Variants in CAPN13 observed in about 807,000 individuals in gnomAD.
CAPN13 encodes calpain 13.
A neutral mutation model predicts 98.4 loss-of-function variants in CAPN13; 90 were observed. That is an observed-to-expected ratio of 0.92 (90% CI 0.77 to 1.09). CAPN13 has a LOEUF of 1.09. Among genes scored for constraint, CAPN13 ranks in the 50% least tolerant of loss-of-function variants. The pLI, the probability that CAPN13 is intolerant of heterozygous loss-of-function variation, is 0.00. For missense variants in CAPN13, 887 were observed against 841.3 expected (o/e 1.05, Z -0.67); for synonymous variants, 330 against 305.5 (o/e 1.08, Z -0.84).
chr2:30,777,438 G>C, intron 3 of CAPN13, 129 bp downstream of exon 3: 1 of 759,978 alleles, frequency 1.3e-6, no homozygotes, highest in South Asian at 1.6e-5. Flanking sequence ...CTGGGCGTGA[G>C]CAGTTTGTCC....
chr2:30,772,319 C>T (rs1477409271), intron 4 of CAPN13, among the ~76,000 whole-genome samples: 2 of 152,164 alleles, frequency 1.3e-5, no homozygotes, highest in Non-Finnish European at 2.9e-5. Context: ...GTGTTTTAGG[C>T]AAAGCATCTG....
intron 16 of CAPN13, 30 bp downstream of exon 16, chr2:30,738,370 G>A (rs767503429): frequency 1.4e-5 from 22 of 1,611,486 alleles, no homozygotes; most frequent in Non-Finnish European, 1.9e-5. Flanking sequence ...GGAGGAGGAT[G>A]GGGCCAGCTT....
chr2:30,743,930 CT>C (rs1256508865), intron 12 of CAPN13, among the ~76,000 whole-genome samples: 1 of 152,146 alleles, frequency 6.6e-6, no homozygotes, highest in East Asian at 1.9e-4. Flanking sequence ...TCTGGGGCCC[CT>C]AAAGCCCCTT....
Position 30,743,765 on chromosome 2 carries a change from C to G in CAPN13, c.1249-186G>C. On this transcript the variant is annotated intron_variant, in intron 12 of 22. Coordinates refer to ENST00000295055, the MANE Select transcript of CAPN13 (RefSeq NM_144575.3). ...AGTAGTGTTTAGCCTGTCATTTCAT[C>G]TAGACCCTGGACACAATGGATGCAA... 5.7e-6 allele frequency: 4 copies of G among 700,280 alleles called. No individual in the cohort carries two copies. The Admixed American group carries it at 8.0e-5, about 14-fold the overall frequency. The allele number at this position is 700,280 out of a possible 1,614,324, so 43.4% of individuals were successfully genotyped here.
intron 8 of CAPN13, among the ~76,000 whole-genome samples, chr2:30,756,723 A>C (rs973368850): frequency 5.9e-5 from 9 of 152,190 alleles, no homozygotes; most frequent in African/African-American, 2.2e-4. Context: ...TTTGTATTGG[A>C]AAGGGCAAAG....
intron 1 of CAPN13, among the ~76,000 whole-genome samples, chr2:30,795,593 T>A (rs1434548389): frequency 7.2e-5 from 11 of 152,126 alleles, no homozygotes; most frequent in Non-Finnish European, 1.3e-4. Flanking sequence ...TGCCCATTTG[T>A]CTATTGGGTT....
At chr2:30,739,335 A>G (rs1234480657) in intron 15 of CAPN13, among the ~76,000 whole-genome samples, 2 of 152,084 alleles carry the variant, frequency 1.3e-5, no homozygotes, top group African/African-American at 4.8e-5. Flanking sequence ...CTGGTCATGT[A>G]GAATAGGGTG....
In CAPN13 at chr2:30,754,295, C is replaced by T. The variant is rs776837615; in HGVS notation, c.936G>A (p.Glu312=). The T allele has an allele frequency of 1.2e-6, 2 of 1,603,820 alleles. No homozygotes were observed. Among genetic ancestry groups the T allele is most frequent in the East Asian group, 2.3e-5 (1 of 44,338 alleles). ...SQLHKKREDG[E]FWMSCQDFQQ... The stretch of plus-strand genomic sequence containing the variant: ...TGTATAAGAAGGGTAAATACCAAAA[C>T]TCGCCATCTTCCCGTTTCTTATGTA... The change falls in exon 9 of 23, where the codon GAG becomes GAA. Residue 312 remains glutamate, a synonymous_variant. Coordinates refer to ENST00000295055, the MANE Select transcript of CAPN13 (RefSeq NM_144575.3).
At chr2:30,799,881 A>C (rs191630487) in intron 1 of CAPN13, among the ~76,000 whole-genome samples, 3 of 151,898 alleles carry the variant, frequency 2.0e-5, no homozygotes, top group Non-Finnish European at 4.4e-5. Flanking sequence ...AGACCATCCT[A>C]GCTAACACGG....
At chr2:30,789,248 A>T (rs1674483113) in intron 1 of CAPN13, among the ~76,000 whole-genome samples, 1 of 152,196 alleles carries the variant, frequency 6.6e-6, no homozygotes, top group South Asian at 2.1e-4. Flanking sequence ...GATAATGAAG[A>T]GTTGTGAAAA....
intron 12 of CAPN13, 37 bp downstream of exon 12, chr2:30,745,686 A>G: frequency 6.3e-7 from 1 of 1,595,268 alleles, no homozygotes; most frequent in Non-Finnish European, 8.5e-7. Flanking sequence ...AGCAGACAGC[A>G]GCAGAGGCGC....
intron 1 of CAPN13, among the ~76,000 whole-genome samples, chr2:30,804,297 T>A (rs1246337231): frequency 6.6e-6 from 1 of 152,200 alleles, no homozygotes; most frequent in African/African-American, 2.4e-5. Flanking sequence ...ACCTCCCTGC[T>A]TCATGCAATT....
intron 1 of CAPN13, among the ~76,000 whole-genome samples, chr2:30,805,506 AC>A (rs1443617529): frequency 1.3e-5 from 2 of 152,268 alleles, no homozygotes; most frequent in Admixed American, 6.5e-5. Context: ...AACAATAATG[AC>A]TAAAATATCT....
intron 3 of CAPN13, among the ~76,000 whole-genome samples, chr2:30,776,674 C>T (rs1056268119): frequency 7.2e-5 from 11 of 152,204 alleles, no homozygotes; most frequent in African/African-American, 2.7e-4. Context: ...TTGAGGGATG[C>T]ATGGCCTCGA....
In CAPN13 at chr2:30,736,539, C is replaced by T. The variant is rs768116647; in HGVS notation, c.1686G>A (p.Glu562=). 2 of 1,614,040 alleles carry T rather than the reference C, an allele frequency of 1.2e-6. No individual in the cohort carries two copies. Among genetic ancestry groups the T allele is most frequent in the East Asian group, 2.2e-5 (1 of 44,872 alleles). ...LKVNGRLDQE[E]FARLWKRLVH... is the part of the protein sequence containing the mutation. ...CAAGGCGCTTCCACAGTCGCGCAAACTCCTCTTGGTCTAGCCGCCCATTCA... is the reference window on the plus strand; with the variant it reads ...CAAGGCGCTTCCACAGTCGCGCAAATTCCTCTTGGTCTAGCCGCCCATTCA... The change falls in exon 18 of 23, where the codon GAG becomes GAA. Residue 562 remains glutamate, a synonymous_variant. Coordinates refer to ENST00000295055, the MANE Select transcript of CAPN13 (RefSeq NM_144575.3).
chr2:30,732,704 G>T, intron 19 of CAPN13, 138 bp from the exon 20 acceptor site: 1 of 1,169,082 alleles, frequency 8.6e-7, no homozygotes, highest in Non-Finnish European at 1.2e-6. Flanking sequence ...TCCCTTCAGT[G>T]TCTTCTCTTT....
chr2:30,732,071 C>T (rs1313888484), intron 20 of CAPN13, among the ~76,000 whole-genome samples: 2 of 152,226 alleles, frequency 1.3e-5, no homozygotes, highest in Non-Finnish European at 2.9e-5. Flanking sequence ...CCTCCTGCCC[C>T]TACTTATTCA....
At chr2:30,774,017 CAG>C (rs10571573) in intron 4 of CAPN13, among the ~76,000 whole-genome samples, 12,346 of 152,066 alleles carry the variant, frequency 0.081, 1,501 homozygotes, top group African/African-American at 0.27. Context: ...TATAATAAAA[CAG>C]AGACTCAGCA....
In CAPN13 at chr2:30,777,583, G is replaced by T; in HGVS notation, c.255C>A (p.Ile85=). The T allele has an allele frequency of 6.3e-7, 1 of 1,578,542 alleles. No homozygotes were observed. The highest frequency in any genetic ancestry group is 8.6e-7 in the Non-Finnish European group (1 of 1,160,612). The change falls in exon 3 of 23, where the codon ATC becomes ATA. Residue 85 remains isoleucine (I), a synonymous_variant. Coordinates refer to ENST00000295055, the MANE Select transcript of CAPN13 (RefSeq NM_144575.3). The stretch of plus-strand genomic sequence containing the variant: ...CACTCTTACCTGCGCCTCCTTGTTG[G>T]ATGTCAAATCTGCTTATATCATCCA... ...FILDDISRFD[I]QQGGAADCWF...
Sources: gnomAD v4.1 joint callset for allele counts (sites outside exome capture counted in the v4.1 genomes callset) on GRCh38, gnomAD v4.1.1 for gene constraint, MANE v1.5 for transcripts, NCBI Gene and HGNC (gene_info 2026-07-23, HGNC 2026-07-21) for gene names.